PRDX1: variants seen among roughly 807,000 people sequenced by gnomAD.
The protein encoded by PRDX1 is peroxiredoxin-1.
A neutral mutation model predicts 20.7 loss-of-function variants in PRDX1; 19 were observed. The observed-to-expected ratio is 0.92, with a 90% CI of 0.64 to 1.35. The LOEUF (loss-of-function observed/expected upper bound fraction) is 1.35. Among genes scored for constraint, PRDX1 ranks in the 40% most tolerant of loss-of-function variants. The probability of loss-of-function intolerance (pLI) is 0.00; values close to 1 mark genes in which losing one functional copy is unlikely to be tolerated. For synonymous variants in PRDX1, 89 were observed against 83.9 expected, an observed-to-expected ratio of 1.06 and a Z score of -0.33; for missense variants, 226 against 240.0, an observed-to-expected ratio of 0.94 and a Z score of 0.38.
intron 1 of PRDX1, among the ~76,000 whole-genome samples, chr1:45,521,280 C>G (rs1272402169): frequency 6.6e-6 from 1 of 152,328 alleles, no homozygotes; most frequent in Admixed American, 6.5e-5. Flanking sequence ...CTGTCCCTCC[C>G]CAGCACTGGA....
intron 1 of PRDX1, among the ~76,000 whole-genome samples, chr1:45,520,032 C>T (rs1016421143): frequency 3.3e-5 from 5 of 152,096 alleles, no homozygotes; most frequent in African/African-American, 1.2e-4. Flanking sequence ...TGGTGAAACC[C>T]CGTCTCTACT....
At chr1:45,521,205 G>T (rs566520512) in intron 1 of PRDX1, among the ~76,000 whole-genome samples, 1 of 152,052 alleles carries the variant, frequency 6.6e-6, no homozygotes, top group Non-Finnish European at 1.5e-5. Flanking sequence ...GGCCGCCACC[G>T]GGCCCCTTCA....
rs745633010 is a variant in PRDX1 at position 45,514,537 on chromosome 1, C to T, written c.484G>A (p.Ala162Thr). The part of the protein sequence containing the change: ...SVDETLRLVQ[A>T]FQFTDKHGEV... ...CCATGTTTGTCAGTGAACTGGAAGG[C>T]CTGAACTAGTCTCAAAGTCTCATCC... is the stretch of plus-strand genomic sequence containing the variant. The change falls in exon 5 of 6, where the codon GCC becomes ACC. Residue 162 changes from alanine (A) to threonine (T), a missense_variant. Physicochemically the swap from Ala to Thr is moderately conservative, Grantham distance 58. Coordinates refer to ENST00000319248, the MANE Select transcript of PRDX1 (RefSeq NM_181697.3). The T allele has an allele frequency of 3.1e-6, 5 of 1,614,124 alleles. No homozygotes were observed. Among genetic ancestry groups the T allele is most frequent in the Non-Finnish European group, 3.4e-6 (4 of 1,180,000 alleles).
At position 45,519,016 on chromosome 1, in the gene PRDX1, G is replaced by A. The variant is rs1024134259; in HGVS notation, c.28C>T (p.His10Tyr). ...GTGGCTTTGAAGTTGGGGGCAGGGT[G>A]CCCAATTTTAGCATTTCCTGAAGAC... MSSGNAKIGHPAPNFKATAV... is the reference protein window; with the variant it reads MSSGNAKIGYPAPNFKATAV... The change falls in exon 2 of 6, where the codon CAC (histidine) becomes TAC (tyrosine). Residue 10 changes from histidine to tyrosine, a missense_variant. His to Tyr is a moderately conservative substitution (Grantham distance 83). Transcript: ENST00000319248. 7 of 1,598,324 alleles carry A rather than the reference G, an allele frequency of 4.4e-6. No individual in the cohort carries two copies. Among genetic ancestry groups the A allele is most frequent in the African/African-American group, 1.3e-5 (1 of 74,104 alleles).
rs183448040 is a variant in PRDX1 at position 45,519,101 on chromosome 1, T to C, written c.-11-47A>G. 125 of 1,369,904 alleles carry C rather than the reference T, an allele frequency of 9.1e-5. 6 individuals carry two copies. The East Asian group carries it at 9.6e-4, about 11-fold the overall frequency. The allele number at this position is 1,369,904 out of a possible 1,614,324, so 84.9% of individuals were successfully genotyped here. A position where few individuals can be genotyped will look rare whatever the true frequency, so the allele number is the denominator to read the frequency against. On this transcript the variant is annotated intron_variant, in intron 1 of 5. Coordinates refer to ENST00000319248, the MANE Select transcript of PRDX1 (RefSeq NM_181697.3). ...TAGAAACAAGCCTTAATTTTCTACA[T>C]AACCAGCAGCCTTCACCTACTTAAA...
chr1:45,515,099 CTG>C (rs1262033881), intron 3 of PRDX1, 104 bp from the exon 4 acceptor site: 19 of 1,507,572 alleles, frequency 1.3e-5, no homozygotes, highest in African/African-American at 4.2e-5. Flanking sequence ...TCCAAAAAGA[CTG>C]TTTTTTTTCC....
At chr1:45,521,916 C>G (rs1261578476), upstream of PRDX1, 1 of 152,402 alleles carries the variant, frequency 6.6e-6, no homozygotes, top group Admixed American at 6.5e-5. Context: ...GCCTTTATAG[C>G]CAGTAGGGAT....
rs1422008953 is a variant in PRDX1 at position 45,521,882 on chromosome 1, C to T, written c.-65G>A. On this transcript the variant is annotated 5_prime_UTR_variant, in exon 1 of 6. Transcript: ENST00000319248. The stretch of plus-strand genomic sequence containing the variant: ...CCACCGACACCAGGCAAGAACAAGA[C>T]GCGCAAGAGCTCTCCGGGGCGCTGC... 6.5e-6 allele frequency: 1 copy of T among 152,682 alleles called. No individual in the cohort carries two copies. The highest frequency in any genetic ancestry group is 2.4e-5 in the African/African-American group (1 of 41,462). The allele number at this position is 152,682 out of a possible 1,614,324, so 9.5% of individuals were successfully genotyped here.
At chr1:45,519,154 T>C in intron 1 of PRDX1, 100 bp from the exon 2 acceptor site, 1 of 771,250 alleles carries the variant, frequency 1.3e-6, no homozygotes, top group Non-Finnish European at 2.1e-6. Context: ...AATCAAGGCA[T>C]TGTCCAGTGT....
At chr1:45,517,133 C>T (rs1339403946) in intron 2 of PRDX1, among the ~76,000 whole-genome samples, 1 of 151,974 alleles carries the variant, frequency 6.6e-6, no homozygotes, top group Admixed American at 6.6e-5. Flanking sequence ...CTAACAAGCA[C>T]TTTGGGGCCT....
chr1:45,516,108 A>G (rs1242512412), intron 2 of PRDX1, among the ~76,000 whole-genome samples: 1 of 152,232 alleles, frequency 6.6e-6, no homozygotes, highest in Non-Finnish European at 1.5e-5. Context: ...CATAAACACC[A>G]AGTTCTCCAA....
Position 45,511,271 on chromosome 1 carries a change from G to T in PRDX1, c.*58C>A. The T allele has an allele frequency of 7.4e-7, 1 of 1,360,244 alleles. No homozygotes were observed. Among genetic ancestry groups the T allele is most frequent in the Non-Finnish European group, 1.0e-6 (1 of 991,398 alleles). 84.3% of individuals were successfully genotyped at this position (1,360,244 alleles called of 1,614,324 possible). A position where few individuals can be genotyped will look rare whatever the true frequency, so the allele number is the denominator to read the frequency against. On this transcript the variant is annotated 3_prime_UTR_variant, in exon 6 of 6. Transcript: ENST00000319248. ...TTTACTAATGGAAAAAAAAAATACAGAAGAGGTTTTGTTCTCATGGCTGCC... is the reference window on the plus strand; with the variant it reads ...TTTACTAATGGAAAAAAAAAATACATAAGAGGTTTTGTTCTCATGGCTGCC...
At chr1:45,518,335 C>T (rs1423711578) in intron 2 of PRDX1, among the ~76,000 whole-genome samples, 6 of 151,900 alleles carry the variant, frequency 3.9e-5, no homozygotes, top group South Asian at 2.1e-4. Context: ...GGCATGATGG[C>T]GCATGCCTGT....
Position 45,514,647 on chromosome 1 carries a change from G to C in PRDX1, c.384-10C>G. The C allele has an allele frequency of 6.2e-7, 1 of 1,613,446 alleles. No individual in the cohort carries two copies. Among genetic ancestry groups the C allele is most frequent in the Non-Finnish European group, 8.5e-7 (1 of 1,179,406 alleles). On this transcript the variant is annotated splice_polypyrimidine_tract_variant and intron_variant, in intron 4 of 5. Coordinates refer to ENST00000319248, the MANE Select transcript of PRDX1 (RefSeq NM_181697.3). ...AATGATAAAAAGGCCCCTGGGAAAAGAGATGAAAGGAAAAGCAATACAGGT... is the reference window on the plus strand; with the variant it reads ...AATGATAAAAAGGCCCCTGGGAAAACAGATGAAAGGAAAAGCAATACAGGT...
chr1:45,515,218 A>G (rs749164868), intron 3 of PRDX1, among the ~76,000 whole-genome samples: 2 of 152,196 alleles, frequency 1.3e-5, no homozygotes, highest in Non-Finnish European at 2.9e-5. Flanking sequence ...CATGAGAGCA[A>G]TAAGAGAAAG....
chr1:45,521,233 A>G (rs1336477849), intron 1 of PRDX1, among the ~76,000 whole-genome samples: 1 of 152,168 alleles, frequency 6.6e-6, no homozygotes, highest in African/African-American at 2.4e-5. Context: ...TGCCCAGCGT[A>G]GAGGGCCACA....
chr1:45,517,455 C>T (rs956333091), intron 2 of PRDX1, among the ~76,000 whole-genome samples: 7 of 152,064 alleles, frequency 4.6e-5, no homozygotes, highest in Non-Finnish European at 7.4e-5. Flanking sequence ...AAGGAGGAGC[C>T]TCAACAGAAC....
chr1:45,518,229 G>A (rs1242583574), intron 2 of PRDX1, among the ~76,000 whole-genome samples: 3 of 151,870 alleles, frequency 2.0e-5, no homozygotes, highest in South Asian at 2.1e-4. Flanking sequence ...TTGGGACGCC[G>A]AGGTGGGCGG....
At chr1:45,521,449 C>T (rs1643912467) in intron 1 of PRDX1, among the ~76,000 whole-genome samples, 1 of 152,220 alleles carries the variant, frequency 6.6e-6, no homozygotes, top group African/African-American at 2.4e-5. Context: ...AGGCTGTCTT[C>T]TACAGCCACG....
Sources: allele counts gnomAD v4.1 joint callset (sites outside exome capture counted in the v4.1 genomes callset), GRCh38; gene constraint gnomAD v4.1.1; transcripts MANE v1.5; gene names NCBI Gene and HGNC (gene_info 2026-07-23, HGNC 2026-07-21).